TRIB2: variants seen among roughly 807,000 people sequenced by gnomAD.
TRIB2 encodes tribbles pseudokinase 2, also known as tribbles homolog 2.
Under a neutral mutation model 26.8 loss-of-function variants are expected in TRIB2, and 2 were observed. That is an observed-to-expected ratio of 0.07 (90% confidence interval 0.03 to 0.24). TRIB2 has a LOEUF of 0.24. TRIB2 is among the 10% of genes least tolerant of loss of function. The pLI, the probability that TRIB2 is intolerant of heterozygous loss-of-function variation, is 1.00. For missense variants in TRIB2, 306 were observed against 449.0 expected (o/e 0.68, Z 2.88); for synonymous variants, 189 against 187.3 (o/e 1.01, Z -0.08).
intron 2 of TRIB2, among the ~76,000 whole-genome samples, chr2:12,730,179 CAT>C (rs1339048288): frequency 2.6e-5 from 4 of 152,190 alleles, no homozygotes; most frequent in Admixed American, 2.0e-4. Flanking sequence ...TTACTCATAA[CAT>C]GTGATTCACC....
chr2:12,732,592 T>C lies in TRIB2; in HGVS notation c.564-7734T>C, dbSNP rs1165059583. On this transcript the variant is annotated intron_variant, in intron 2 of 2. Coordinates refer to ENST00000155926, the MANE Select transcript of TRIB2 (RefSeq NM_021643.4). The surrounding 1 kb of genome is among the most constrained non-coding windows in gnomAD (Gnocchi z 4.2). The stretch of plus-strand genomic sequence containing the variant: ...GACTCTCCAAGACTTGGTGCAGAGG[T>C]GGCTCTCAGAGGTGACTGTTGGAAA... Among the ~76,000 whole-genome samples the C allele has an allele frequency of 6.6e-6, 1 of 152,174 alleles. No individual in the cohort carries two copies. Among genetic ancestry groups the C allele is most frequent in the Non-Finnish European group, 1.5e-5 (1 of 68,026 alleles).
chr2:12,739,054 A>G (rs1661650062), intron 2 of TRIB2, among the ~76,000 whole-genome samples: 1 of 152,048 alleles, frequency 6.6e-6, no homozygotes, highest in Non-Finnish European at 1.5e-5. Context: ...TAGGATGCCT[A>G]GTTTGAAAAG....
chr2:12,718,080 G>A lies in TRIB2; in HGVS notation c.-228G>A. On this transcript the variant is annotated 5_prime_UTR_variant, in exon 1 of 3. Transcript: ENST00000155926. The surrounding 1 kb of genome is among the most constrained non-coding windows in gnomAD (Gnocchi z 4.0). ...GCTTTGGGGTAACAAAAAGACCCGAGTTGCCTGCCGACCGAGGACCCCCGG... is the reference window on the plus strand; with the variant it reads ...GCTTTGGGGTAACAAAAAGACCCGAATTGCCTGCCGACCGAGGACCCCCGG... 1.7e-6 allele frequency: 1 copy of A among 593,128 alleles called. No individual in the cohort carries two copies. The highest frequency in any genetic ancestry group is 2.9e-6 in the Non-Finnish European group (1 of 340,822). The allele number at this position is 593,128 out of a possible 1,614,324, so 36.7% of individuals were successfully genotyped here.
chr2:12,719,180 G>T (rs1333831198), intron 1 of TRIB2, among the ~76,000 whole-genome samples: 1 of 152,118 alleles, frequency 6.6e-6, no homozygotes, highest in Non-Finnish European at 1.5e-5. Context: ...AGCACTTTCT[G>T]GTGAATAGTG....
rs967494898 is a variant in TRIB2 at position 12,724,444 on chromosome 2, A to G, written c.563+892A>G. Among the ~76,000 whole-genome samples, 2 of 152,378 alleles carry G rather than the reference A, an allele frequency of 1.3e-5. 1 individual carries two copies. Among genetic ancestry groups the G allele is most frequent in the South Asian group, 4.1e-4 (2 of 4,828 alleles). ...TTTAAGAATATGAGTTTAGAGGGAC[A>G]GAGGCAACAAATCTGTATTCATTGC... is the stretch of plus-strand genomic sequence containing the variant. On this transcript the variant is annotated intron_variant, in intron 2 of 2. Coordinates refer to ENST00000155926, the MANE Select transcript of TRIB2 (RefSeq NM_021643.4).
chr2:12,733,513 C>G (rs1205894236), intron 2 of TRIB2, among the ~76,000 whole-genome samples: 1 of 152,204 alleles, frequency 6.6e-6, no homozygotes, highest in African/African-American at 2.4e-5. Flanking sequence ...ATTTAATTCC[C>G]TGTGCCTCAG....
At chr2:12,725,886 C>A (rs1661330652) in intron 2 of TRIB2, among the ~76,000 whole-genome samples, 1 of 152,234 alleles carries the variant, frequency 6.6e-6, no homozygotes, top group Non-Finnish European at 1.5e-5. Flanking sequence ...CCCCAGGGGC[C>A]AGCCTTGAGG....
chr2:12,736,307 C>T (rs1173343777), intron 2 of TRIB2, among the ~76,000 whole-genome samples: 3 of 152,062 alleles, frequency 2.0e-5, no homozygotes, highest in Admixed American at 6.6e-5. Context: ...TGAGGAACAG[C>T]AAACAGGCTG....
Position 12,729,549 on chromosome 2 carries a change from C to T in TRIB2, c.563+5997C>T, listed in dbSNP as rs114652709. Among the ~76,000 whole-genome samples the T allele has an allele frequency of 5.2e-3, 788 of 152,202 alleles. 9 individuals are homozygous for T. The highest frequency in any genetic ancestry group is 0.018 in the African/African-American group (741 of 41,528). On this transcript the variant is annotated intron_variant, in intron 2 of 2. Transcript: ENST00000155926. ...AAGTGAGAAATTTACCCATCATTTCCCTTTTAATTTAATGATTTATGCAGA... is the reference window on the plus strand; with the variant it reads ...AAGTGAGAAATTTACCCATCATTTCTCTTTTAATTTAATGATTTATGCAGA...
At chr2:12,738,955 C>G (rs956572655) in intron 2 of TRIB2, among the ~76,000 whole-genome samples, 1 of 152,162 alleles carries the variant, frequency 6.6e-6, no homozygotes, top group Non-Finnish European at 1.5e-5. Flanking sequence ...TGCAGGATTT[C>G]TTACCTCTTT....
intron 1 of TRIB2, among the ~76,000 whole-genome samples, chr2:12,721,675 A>G (rs1028697454): frequency 1.3e-5 from 2 of 152,190 alleles, no homozygotes; most frequent in African/African-American, 2.4e-5. Context: ...ATTCTAGGTT[A>G]TAGTGGCAGC....
chr2:12,717,314 G>A lies in TRIB2; in HGVS notation c.-994G>A. On this transcript the variant is annotated 5_prime_UTR_variant, in exon 1 of 3. Transcript: ENST00000155926. This position sits in a 1 kb window ranked among gnomAD's most constrained non-coding sequence, Gnocchi z 4.8. ...AACGCCGCGCGTTGGAAGGGCCAGG[G>A]ACGCAGCTCCCCTTGCAGCGCCCGC... The A allele has an allele frequency of 2.5e-6, 1 of 398,514 alleles. No homozygotes were observed. Among genetic ancestry groups the A allele is most frequent in the Non-Finnish European group, 4.4e-6 (1 of 226,006 alleles). The allele number at this position is 398,514 out of a possible 1,614,324, so 24.7% of individuals were successfully genotyped here. A position where few individuals can be genotyped will look rare whatever the true frequency, so the allele number is the denominator to read the frequency against.
intron 2 of TRIB2, among the ~76,000 whole-genome samples, chr2:12,731,891 G>A (rs997996893): frequency 6.6e-6 from 1 of 152,148 alleles, no homozygotes; most frequent in Non-Finnish European, 1.5e-5. Context: ...ACCATCGCTG[G>A]GTGCCCCTGG....
In TRIB2 at chr2:12,717,062, G is replaced by A. The variant is rs953255025; in HGVS notation, c.-1246G>A. The A allele has an allele frequency of 3.4e-5, 8 of 238,384 alleles. No individual in the cohort carries two copies. Among genetic ancestry groups the A allele is most frequent in the East Asian group, 7.8e-5 (1 of 12,748 alleles). The allele number at this position is 238,384 out of a possible 1,614,324, so 14.8% of individuals were successfully genotyped here. On this transcript the variant is annotated 5_prime_UTR_variant, in exon 1 of 3. Transcript: ENST00000155926. This position sits in a 1 kb window ranked among gnomAD's most constrained non-coding sequence, Gnocchi z 4.8. ...CGGGGGATGCGGGCGTGCTGAGCGC[G>A]GGGATTGGCCTCGGGCACCGTCGGC...
intron 1 of TRIB2, among the ~76,000 whole-genome samples, chr2:12,722,920 G>T (rs772192460): frequency 1.3e-5 from 2 of 152,116 alleles, no homozygotes; most frequent in African/African-American, 2.4e-5. Flanking sequence ...CTATAAACAC[G>T]CAATTGGGCT....
Position 12,718,528 on chromosome 2 carries a change from A to T in TRIB2, c.221A>T (p.His74Leu). The T allele has an allele frequency of 6.2e-7, 1 of 1,614,138 alleles. No homozygotes were observed. The highest frequency in any genetic ancestry group is 8.5e-7 in the Non-Finnish European group (1 of 1,180,004). The change falls in exon 1 of 3, where the codon CAC becomes CTC. Residue 74 changes from histidine to leucine, a missense_variant. This residue lies in a region of TRIB2 where 99 missense variants were observed against 106.5 expected (regional missense o/e 0.93). Coordinates refer to ENST00000155926, the MANE Select transcript of TRIB2 (RefSeq NM_021643.4). This position sits in a 1 kb window ranked among gnomAD's most constrained non-coding sequence, Gnocchi z 4.0. ...TTGTTGGAACCTCTGGAGGGAGACC[A>T]CGTTTTTCGTGCCGTGCATCTGCAC... Reference protein sequence around the residue: ...YLLLEPLEGDHVFRAVHLHSG... With the variant: ...YLLLEPLEGDLVFRAVHLHSG...
At position 12,718,093 on chromosome 2, in the gene TRIB2, C is replaced by T; in HGVS notation, c.-215C>T. On this transcript the variant is annotated 5_prime_UTR_variant, in exon 1 of 3. Transcript: ENST00000155926. This position sits in a 1 kb window ranked among gnomAD's most constrained non-coding sequence, Gnocchi z 4.0. ...AAAAAGACCCGAGTTGCCTGCCGACCGAGGACCCCCGGGAGCCGGGCTCGG... is the reference window on the plus strand; with the variant it reads ...AAAAAGACCCGAGTTGCCTGCCGACTGAGGACCCCCGGGAGCCGGGCTCGG... 1 of 629,342 alleles carries T rather than the reference C, an allele frequency of 1.6e-6. No individual in the cohort carries two copies. The highest frequency in any genetic ancestry group is 2.7e-6 in the Non-Finnish European group (1 of 373,750). 39.0% of individuals were successfully genotyped at this position (629,342 alleles called of 1,614,324 possible). A position where few individuals can be genotyped will look rare whatever the true frequency, so the allele number is the denominator to read the frequency against.
At chr2:12,731,622 A>G (rs1402355665) in intron 2 of TRIB2, among the ~76,000 whole-genome samples, 1 of 152,158 alleles carries the variant, frequency 6.6e-6, no homozygotes, top group Non-Finnish European at 1.5e-5. Context: ...CAAGGTTTCA[A>G]ATGTGTTCAT....
At chr2:12,722,397 T>G (rs528238694) in intron 1 of TRIB2, among the ~76,000 whole-genome samples, 31 of 152,358 alleles carry the variant, frequency 2.0e-4, no homozygotes, top group African/African-American at 7.5e-4. Flanking sequence ...GGGACTTGTA[T>G]TCCTGATTTA....
Sources: gnomAD v4.1 joint callset for allele counts (sites outside exome capture counted in the v4.1 genomes callset) on GRCh38, gnomAD v4.1.1 for gene constraint, gnomAD v4.1.1 regional missense constraint, Gnocchi (gnomAD v3.1) non-coding constraint, MANE v1.5 for transcripts, NCBI Gene and HGNC (gene_info 2026-07-23, HGNC 2026-07-21) for gene names.